EFCAB14: variants seen among roughly 807,000 people sequenced by gnomAD.
The protein encoded by EFCAB14 is EF-hand calcium binding domain 14, also known as EF-hand calcium-binding domain-containing protein 14.
Under a neutral mutation model 56.5 loss-of-function variants are expected in EFCAB14, and 43 were observed. The ratio of observed to expected loss-of-function variants is 0.76; its 90% confidence interval spans 0.60 to 0.98. The LOEUF (loss-of-function observed/expected upper bound fraction) is 0.98. Ranked by LOEUF, EFCAB14 falls within the 50% of genes least tolerant of loss-of-function variation. The pLI is 0.00. For missense variants in EFCAB14, 538 were observed against 580.3 expected (o/e 0.93, Z 0.75); for synonymous variants, 235 against 212.9 (o/e 1.10, Z -0.90).
chr1:46,703,100 T>G (rs1677183190), intron 3 of EFCAB14, among the ~76,000 whole-genome samples: 1 of 150,960 alleles, frequency 6.6e-6, no homozygotes, highest in Non-Finnish European at 1.5e-5. Flanking sequence ...TTCCTGTGAG[T>G]CCTCTGCTCG....
chr1:46,694,720 G>C (rs533189886), intron 4 of EFCAB14, among the ~76,000 whole-genome samples: 170 of 152,178 alleles, frequency 1.1e-3, no homozygotes, highest in African/African-American at 3.9e-3. Context: ...CAGCCATCCC[G>C]TTACTGGGTA....
At chr1:46,705,429 T>C (rs61782568) in intron 3 of EFCAB14, among the ~76,000 whole-genome samples, 37,091 of 152,176 alleles carry the variant, frequency 0.24, 4,882 homozygotes, top group East Asian at 0.35. Flanking sequence ...CCAATGTCAT[T>C]TGGTTATAAC....
Position 46,718,276 on chromosome 1 carries a change from A to C in EFCAB14, c.-189T>G. On this transcript the variant is annotated 5_prime_UTR_variant, in exon 1 of 11. Coordinates refer to ENST00000371933, the MANE Select transcript of EFCAB14 (RefSeq NM_014774.3). ...GACTGGAGATTGGAGCCCAGAGGAA[A>C]CTGGAACTCAGATGGGTGGGGGAAA... 1.8e-6 allele frequency: 1 copy of C among 556,822 alleles called. No homozygotes were observed. The highest frequency in any genetic ancestry group is 2.5e-5 in the South Asian group (1 of 39,696). The allele number at this position is 556,822 out of a possible 1,614,324, so 34.5% of individuals were successfully genotyped here.
chr1:46,683,477 T>TTATTTAGTATTATTGAATC, intron 9 of EFCAB14, 52 bp from the exon 10 acceptor site: 1 of 1,566,452 alleles, frequency 6.4e-7, no homozygotes. Context: ...TAACACCAAA[T>TTATTTAGTATTATTGAATC]TAAACTAGTA....
intron 2 of EFCAB14, among the ~76,000 whole-genome samples, chr1:46,714,737 G>T (rs1197515173): frequency 6.6e-6 from 1 of 151,586 alleles, no homozygotes; most frequent in East Asian, 1.9e-4. Context: ...ATGAAGTCAA[G>T]GCTGCAACGA....
At chr1:46,691,779 C>T (rs1478087005) in intron 5 of EFCAB14, 48 bp downstream of exon 5, 7 of 1,451,642 alleles carry the variant, frequency 4.8e-6, no homozygotes, top group South Asian at 1.2e-5. Context: ...ATGACTCTTA[C>T]ACAAAAAAGG....
intron 4 of EFCAB14, among the ~76,000 whole-genome samples, chr1:46,695,823 T>C (rs1411457388): frequency 6.6e-6 from 1 of 152,082 alleles, no homozygotes; most frequent in Non-Finnish European, 1.5e-5. Context: ...GGGACTACAG[T>C]TGTGTGCCAC....
chr1:46,696,697 G>A (rs374853641), intron 3 of EFCAB14, 48 bp from the exon 4 acceptor site: 2 of 1,549,962 alleles, frequency 1.3e-6, no homozygotes, highest in Admixed American at 1.7e-5. Flanking sequence ...AGAATTTGTA[G>A]AGGACACGTT....
At chr1:46,680,973 CTT>C (rs202142759) in intron 10 of EFCAB14, among the ~76,000 whole-genome samples, 27 of 144,458 alleles carry the variant, frequency 1.9e-4, no homozygotes, top group Admixed American at 2.8e-4. Flanking sequence ...ATATACATAA[CTT>C]TTTTTTTTTT....
chr1:46,710,691 C>T (rs549017379), intron 2 of EFCAB14, among the ~76,000 whole-genome samples: 1 of 152,122 alleles, frequency 6.6e-6, no homozygotes, highest in South Asian at 2.1e-4. Flanking sequence ...GTAGCTGGGA[C>T]TACAAGCTTG....
intron 8 of EFCAB14, among the ~76,000 whole-genome samples, chr1:46,685,590 T>A (rs1676868611): frequency 6.6e-6 from 1 of 152,178 alleles, no homozygotes; most frequent in Non-Finnish European, 1.5e-5. Context: ...GGTTAGGATG[T>A]TTGGATGAGG....
intron 2 of EFCAB14, among the ~76,000 whole-genome samples, chr1:46,716,026 C>T (rs762549338): frequency 1.3e-4 from 20 of 151,632 alleles, no homozygotes; most frequent in Non-Finnish European, 2.7e-4. Context: ...GGTAGGTGGA[C>T]CACCTGAGGT....
chr1:46,686,992 C>A, intron 7 of EFCAB14, 122 bp from the exon 8 acceptor site: 2 of 887,822 alleles, frequency 2.3e-6, no homozygotes, highest in South Asian at 1.6e-5. Flanking sequence ...AGAACACTCT[C>A]AACAGAAATT....
In EFCAB14 at chr1:46,707,971, T is replaced by A; in HGVS notation, c.415A>T (p.Lys139Ter). The A allele has an allele frequency of 6.2e-7, 1 of 1,612,896 alleles. No individual in the cohort carries two copies. Among genetic ancestry groups the A allele is most frequent in the South Asian group, 1.1e-5 (1 of 91,050 alleles). ...ELLSKQKQLE[K>*]IESGEMGLNK... ...AAACCCATCTCTCCAGATTCAATCT[T>A]CTCAAGTTGTTTTTGCTTGCTGAGT... is the stretch of plus-strand genomic sequence containing the variant. The change falls in exon 3 of 11, where the codon AAG becomes TAG. Residue 139 changes from lysine to a stop codon, truncating the protein, a stop_gained. Transcript: ENST00000371933. LOFTEE classifies it high-confidence loss of function.
Position 46,716,419 on chromosome 1 carries a change from C to T in EFCAB14, c.210G>A (p.Lys70=), listed in dbSNP as rs1677394509. 6.2e-7 allele frequency: 1 copy of T among 1,613,996 alleles called. No individual in the cohort carries two copies. Among genetic ancestry groups the T allele is most frequent in the Admixed American group, 1.7e-5 (1 of 59,994 alleles). Residue 70 remains lysine (K), a synonymous_variant, in exon 2 of 11, where the codon AAG becomes AAA. Transcript: ENST00000371933. ...FAKGDYLRCC[K]ICYPLCGFVI... is the part of the protein sequence containing the mutation. ...CAAAACCACAGAGCGGATAACAGAT[C>T]TTGCAGCATCGTAAATAGTCTCCCC...
intron 3 of EFCAB14, among the ~76,000 whole-genome samples, chr1:46,704,976 C>A (rs1188900151): frequency 6.6e-6 from 1 of 150,762 alleles, no homozygotes; most frequent in Non-Finnish European, 1.5e-5. Flanking sequence ...AATAACACTT[C>A]TTGTTTGAGC....
chr1:46,681,397 A>G (rs1557438705), intron 10 of EFCAB14, among the ~76,000 whole-genome samples: 1 of 152,226 alleles, frequency 6.6e-6, no homozygotes, highest in Non-Finnish European at 1.5e-5. Flanking sequence ...CATTTATTCC[A>G]CACCATACCT....
At chr1:46,712,070 G>C (rs1393528087) in intron 2 of EFCAB14, among the ~76,000 whole-genome samples, 1 of 152,194 alleles carries the variant, frequency 6.6e-6, no homozygotes, top group Non-Finnish European at 1.5e-5. Flanking sequence ...AAGAATAAGT[G>C]ACTTGTCTAA....
chr1:46,679,858 C>T (rs1295487657), intron 10 of EFCAB14, among the ~76,000 whole-genome samples: 5 of 151,952 alleles, frequency 3.3e-5, no homozygotes, highest in South Asian at 4.2e-4. Flanking sequence ...CTGCCCACCT[C>T]AGCCTCCCCA....
Sources: allele counts gnomAD v4.1 joint callset (sites outside exome capture counted in the v4.1 genomes callset), GRCh38; gene constraint gnomAD v4.1.1; transcripts MANE v1.5; gene names NCBI Gene and HGNC (gene_info 2026-07-23, HGNC 2026-07-21).